RAB11FIP4: variants seen among roughly 807,000 people sequenced by gnomAD.
The protein encoded by RAB11FIP4 is rab11 family-interacting protein 4.
RAB11FIP4 carries 23 observed loss-of-function variants against 74.3 expected under a neutral mutation model. The ratio of observed to expected loss-of-function variants is 0.31; its 90% CI spans 0.22 to 0.44. RAB11FIP4 has a LOEUF of 0.44. Ranked by LOEUF, RAB11FIP4 falls within the 20% of genes least tolerant of loss-of-function variation. The pLI, the probability that RAB11FIP4 is intolerant of heterozygous loss-of-function variation, is 1.00. For synonymous variants in RAB11FIP4, 360 were observed against 359.9 expected (o/e 1.00, Z 0.00); for missense variants, 630 against 863.9 (o/e 0.73, Z 3.39).
In RAB11FIP4 at chr17:31,528,587, C is replaced by T. The variant is rs776677255; in HGVS notation, c.1495-33C>T. ...GGCACCAGGGCTCCTTCCAGCATCC[C>T]TGCTCCTGCCAACCTGCTTCTCTCC... On this transcript the variant is annotated intron_variant, in intron 12 of 14. Transcript: ENST00000621161. 3.1e-6 allele frequency: 5 copies of T among 1,613,382 alleles called. No individual in the cohort carries two copies. In the Admixed American group the frequency reaches 8.3e-5, roughly 27 times the overall value.
chr17:31,474,356 G>T (rs2071768562), intron 3 of RAB11FIP4, among the ~76,000 whole-genome samples: 1 of 152,098 alleles, frequency 6.6e-6, no homozygotes, highest in Admixed American at 6.6e-5. Context: ...TGGAGGGGTG[G>T]TGCCCTGGAA....
At chr17:31,519,988 C>T (rs2072631712) in intron 4 of RAB11FIP4, among the ~76,000 whole-genome samples, 2 of 150,812 alleles carry the variant, frequency 1.3e-5, no homozygotes, top group Admixed American at 6.6e-5. Flanking sequence ...TGGCAGGAGG[C>T]TACTCGCAGC....
At chr17:31,402,532 G>A (rs2070996890) in intron 1 of RAB11FIP4, among the ~76,000 whole-genome samples, 1 of 152,100 alleles carries the variant, frequency 6.6e-6, no homozygotes, top group Non-Finnish European at 1.5e-5. Flanking sequence ...TCCCACACAG[G>A]CCATTGGGTC....
At position 31,486,191 on chromosome 17, in the gene RAB11FIP4, GC is replaced by G. The variant is rs1031734250; in HGVS notation, c.337-31458del. 9.9e-5 allele frequency among the ~76,000 whole-genome samples: 15 copies of G among 151,742 alleles called. No individual in the cohort carries two copies. In the South Asian group the frequency reaches 1.9e-3, roughly 19 times the overall value. ...GGAGGTTGCAGTGAGCCAAGCTCAC[GC>G]CACTGCACTCCAGCCTGGGCAACAG... On this transcript the variant is annotated intron_variant, in intron 3 of 14. Transcript: ENST00000621161.
At chr17:31,417,875 G>T (rs2071162943) in intron 1 of RAB11FIP4, among the ~76,000 whole-genome samples, 1 of 152,186 alleles carries the variant, frequency 6.6e-6, no homozygotes, top group African/African-American at 2.4e-5. Context: ...AAGGCAGGAG[G>T]ATCACTTGAG....
chr17:31,427,708 G>A (rs2071267057), intron 1 of RAB11FIP4, among the ~76,000 whole-genome samples: 1 of 152,230 alleles, frequency 6.6e-6, no homozygotes, highest in African/African-American at 2.4e-5. Context: ...AGCATGGGAG[G>A]CTGGAGGGTA....
chr17:31,466,353 C>A (rs995845660), intron 3 of RAB11FIP4, among the ~76,000 whole-genome samples: 1 of 152,106 alleles, frequency 6.6e-6, no homozygotes, highest in Non-Finnish European at 1.5e-5. Context: ...TGTTTCTTCC[C>A]CTGTCGGTGC....
intron 3 of RAB11FIP4, among the ~76,000 whole-genome samples, chr17:31,448,059 G>A (rs899829211): frequency 2.0e-5 from 3 of 151,108 alleles, no homozygotes; most frequent in Non-Finnish European, 4.4e-5. Context: ...CGATCCACCT[G>A]TCTCGGCCTC....
chr17:31,488,028 T>A, intron 3 of RAB11FIP4: 1 of 1,009,992 alleles, frequency 9.9e-7, no homozygotes, highest in Non-Finnish European at 1.2e-6. Context: ...CGCCTCGTGA[T>A]GTCACCGCAG....
intron 1 of RAB11FIP4, among the ~76,000 whole-genome samples, chr17:31,411,163 A>T (rs184425468): frequency 6.6e-6 from 1 of 152,250 alleles, no homozygotes; most frequent in East Asian, 1.9e-4. Flanking sequence ...ACAGATCGAG[A>T]CCATCCTGGC....
intron 3 of RAB11FIP4, among the ~76,000 whole-genome samples, chr17:31,443,648 G>T (rs758629097): frequency 2.1e-4 from 32 of 152,196 alleles, no homozygotes; most frequent in Non-Finnish European, 4.3e-4. Flanking sequence ...AGTGGCTCAG[G>T]CCTGGAATCC....
intron 1 of RAB11FIP4, among the ~76,000 whole-genome samples, chr17:31,426,442 G>A (rs766125913): frequency 4.6e-5 from 7 of 152,058 alleles, no homozygotes; most frequent in African/African-American, 9.7e-5. Context: ...TGAACCCTCC[G>A]TGGACTCCAA....
At chr17:31,458,671 C>T (rs968554019) in intron 3 of RAB11FIP4, among the ~76,000 whole-genome samples, 1 of 152,298 alleles carries the variant, frequency 6.6e-6, no homozygotes, top group African/African-American at 2.4e-5. Context: ...CTCATGTGCA[C>T]CTCTGGGCCT....
intron 3 of RAB11FIP4, among the ~76,000 whole-genome samples, chr17:31,504,856 G>C (rs2072287830): frequency 6.6e-6 from 1 of 152,162 alleles, no homozygotes; most frequent in African/African-American, 2.4e-5. Context: ...TAGAACAGTG[G>C]TTTGCAAAGT....
At chr17:31,468,827 T>A (rs1259385825) in intron 3 of RAB11FIP4, among the ~76,000 whole-genome samples, 1 of 97,040 alleles carries the variant, frequency 1.0e-5, no homozygotes, top group Non-Finnish European at 2.6e-5. Context: ...AGACTCTGTC[T>A]CAAAAAAAAA....
At chr17:31,434,908 T>C (rs2071344145) in intron 3 of RAB11FIP4, among the ~76,000 whole-genome samples, 1 of 152,196 alleles carries the variant, frequency 6.6e-6, no homozygotes, top group Non-Finnish European at 1.5e-5. Flanking sequence ...TTTGTAGGCC[T>C]GGCGTGATGG....
At chr17:31,477,759 G>C (rs1455139437) in intron 3 of RAB11FIP4, among the ~76,000 whole-genome samples, 4 of 152,128 alleles carry the variant, frequency 2.6e-5, no homozygotes, top group Non-Finnish European at 5.9e-5. Context: ...TTTTACATAG[G>C]ATAACGGCTA....
intron 3 of RAB11FIP4, among the ~76,000 whole-genome samples, chr17:31,467,800 C>A (rs1368789357): frequency 6.6e-6 from 1 of 152,234 alleles, no homozygotes; most frequent in Admixed American, 6.5e-5. Context: ...TCCTCTTCTC[C>A]CATCCCTGCT....
intron 3 of RAB11FIP4, among the ~76,000 whole-genome samples, chr17:31,487,095 A>C (rs1401503798): frequency 6.6e-6 from 1 of 152,202 alleles, no homozygotes; most frequent in African/African-American, 2.4e-5. Context: ...GTGAAGACTC[A>C]GGGAAGGCAA....
Sources: gnomAD v4.1 joint callset for allele counts (sites outside exome capture counted in the v4.1 genomes callset) on GRCh38, gnomAD v4.1.1 for gene constraint, MANE v1.5 for transcripts, NCBI Gene and HGNC (gene_info 2026-07-23, HGNC 2026-07-21) for gene names.